ZNF775: variants seen among roughly 807,000 people sequenced by gnomAD.
ZNF775 encodes zinc finger protein 775.
A neutral mutation model predicts 2.4 loss-of-function variants in ZNF775; 1 was observed. That is an observed-to-expected ratio of 0.41 (90% confidence interval 0.15 to 1.94). ZNF775 has a LOEUF of 1.94. Among genes scored for constraint, ZNF775 ranks in the 30% most tolerant of loss-of-function variants. ZNF775 has a pLI of 0.30. For missense variants in ZNF775, 823 were observed against 826.6 expected (o/e 1.00, Z 0.05); for synonymous variants, 381 against 373.3 (o/e 1.02, Z -0.24).
chr7:150,392,545 A>ATCTCTCTCTC lies in ZNF775; in HGVS notation c.32-3936_32-3927dup, dbSNP rs56067146. Among the ~76,000 whole-genome samples, 851 of 136,614 alleles carry ATCTCTCTCTC rather than the reference A, an allele frequency of 6.2e-3. 12 individuals carry two copies. Among genetic ancestry groups the ATCTCTCTCTC allele is most frequent in the African/African-American group, 0.023 (774 of 33,588 alleles). The allele number at this position is 136,614 out of a possible 152,430, so 89.6% of individuals were successfully genotyped here. A position where few individuals can be genotyped will look rare whatever the true frequency, so the allele number is the denominator to read the frequency against. ...TTTATTTTCTTTTTTTCCCAAATGGATCTCTCTCTCTCTCTCTCTCTCTCT... is the reference window on the plus strand; with the variant it reads ...TTTATTTTCTTTTTTTCCCAAATGGATCTCTCTCTCTCTCTCTCTCTCTCTCTCTCTCTCT... On this transcript the variant is annotated intron_variant, in intron 2 of 2. Coordinates refer to ENST00000329630, the MANE Select transcript of ZNF775 (RefSeq NM_173680.4).
rs141275634 is a variant in ZNF775 at position 150,394,633 on chromosome 7, TTCTC to T, written c.32-1865_32-1862del. Among the ~76,000 whole-genome samples, 872 of 150,472 alleles carry T rather than the reference TTCTC, an allele frequency of 5.8e-3. 7 individuals carry two copies. The highest frequency in any genetic ancestry group is 0.02 in the African/African-American group (808 of 40,728). ...TATTCTTAGTTTGCTAGGAGCTTTC[TTCTC>T]TCTCTCTCTCTCTCCCTCCCTCCCT... is the stretch of plus-strand genomic sequence containing the variant. On this transcript the variant is annotated intron_variant, in intron 2 of 2. Coordinates refer to ENST00000329630, the MANE Select transcript of ZNF775 (RefSeq NM_173680.4).
Position 150,398,564 on chromosome 7 carries a change from A to G in ZNF775, c.*469A>G, listed in dbSNP as rs542879868. The G allele has an allele frequency of 4.1e-5, 7 of 169,898 alleles. No homozygotes were observed. In the East Asian group the frequency reaches 1.3e-3, roughly 31 times the overall value. 10.5% of individuals were successfully genotyped at this position (169,898 alleles called of 1,614,324 possible). A position where few individuals can be genotyped will look rare whatever the true frequency, so the allele number is the denominator to read the frequency against. ...CAGAGGCTGTGGCGAGGGAGAGCCA[A>G]GCATATTCCCAGCACCAGGGCCACT... On this transcript the variant is annotated 3_prime_UTR_variant, in exon 3 of 3. Coordinates refer to ENST00000329630, the MANE Select transcript of ZNF775 (RefSeq NM_173680.4).
Position 150,397,173 on chromosome 7 carries a change from C to T in ZNF775, c.692C>T (p.Ala231Val), listed in dbSNP as rs1800680391. The change falls in exon 3 of 3, where the codon GCG becomes GTG. Residue 231 changes from alanine to valine, a missense_variant. By Grantham distance (64) the Ala-to-Val change is moderately conservative (BLOSUM62 0). Coordinates refer to ENST00000329630, the MANE Select transcript of ZNF775 (RefSeq NM_173680.4). ...GGCCTGCACGAGCTGATTCAGGACGCGGCGGCGCGCCGGGCCTGTCGCCTG... is the reference window on the plus strand; with the variant it reads ...GGCCTGCACGAGCTGATTCAGGACGTGGCGGCGCGCCGGGCCTGTCGCCTG... Reference protein sequence around the residue: ...RAGLHELIQDAAARRACRLQP... With the variant: ...RAGLHELIQDVAARRACRLQP... 4.4e-6 allele frequency: 6 copies of T among 1,351,890 alleles called. No individual in the cohort carries two copies. Among genetic ancestry groups the T allele is most frequent in the Admixed American group, 4.0e-5 (1 of 24,764 alleles). The allele number at this position is 1,351,890 out of a possible 1,614,324, so 83.7% of individuals were successfully genotyped here.
At chr7:150,380,949 G>T (rs10235546) in intron 1 of ZNF775, among the ~76,000 whole-genome samples, 19,598 of 152,180 alleles carry the variant, frequency 0.13, 1,951 homozygotes, top group African/African-American at 0.28. Context: ...GCCTGAAGGG[G>T]TCCCTGCTCC....
chr7:150,380,726 A>G (rs1013665853), intron 1 of ZNF775, among the ~76,000 whole-genome samples: 1 of 152,212 alleles, frequency 6.6e-6, no homozygotes, highest in Non-Finnish European at 1.5e-5. Context: ...GGTTTCTGAA[A>G]AACAACTCAA....
In ZNF775 at chr7:150,398,388, G is replaced by GTTGGGGT. The variant is rs1800724199; in HGVS notation, c.*299_*300insTTTGGGG. The GTTGGGGT allele has an allele frequency of 2.0e-6, 1 of 495,888 alleles. No individual in the cohort carries two copies. Among genetic ancestry groups the GTTGGGGT allele is most frequent in the Non-Finnish European group, 3.5e-6 (1 of 281,956 alleles). 30.7% of individuals were successfully genotyped at this position (495,888 alleles called of 1,614,324 possible). On this transcript the variant is annotated 3_prime_UTR_variant, in exon 3 of 3. Transcript: ENST00000329630. ...GCTTCAAGCACCGAGTGAGGGGTCT[G>GTTGGGGT]TTGGGGACGCTGGGAGAGTCTCTGG...
rs533440571 is a variant in ZNF775 at position 150,383,504 on chromosome 7, G to T, written c.-50+4112G>T. 2.0e-5 allele frequency among the ~76,000 whole-genome samples: 3 copies of T among 152,340 alleles called. No homozygotes were observed. The South Asian group carries it at 6.2e-4, about 32-fold the overall frequency. ...GCAGTCAGGTATGGGCTGCAGGAGGGCAGGGAGGCGCTGGGGACCCGGTGG... is the reference window on the plus strand; with the variant it reads ...GCAGTCAGGTATGGGCTGCAGGAGGTCAGGGAGGCGCTGGGGACCCGGTGG... On this transcript the variant is annotated intron_variant, in intron 1 of 2. Coordinates refer to ENST00000329630, the MANE Select transcript of ZNF775 (RefSeq NM_173680.4).
chr7:150,381,367 C>T (rs1020470139), intron 1 of ZNF775, among the ~76,000 whole-genome samples: 8 of 152,066 alleles, frequency 5.3e-5, no homozygotes, highest in Non-Finnish European at 1.0e-4. Context: ...ATCAGGTCTC[C>T]TGGGAATGTC....
At chr7:150,379,587 G>T (rs997863322) in intron 1 of ZNF775, among the ~76,000 whole-genome samples, 195 bp downstream of exon 1, 7 of 152,162 alleles carry the variant, frequency 4.6e-5, no homozygotes, top group South Asian at 4.1e-4. Context: ...GGTCTCAAGC[G>T]TTCCCTCTGC....
rs201683988 is a variant in ZNF775, at chr7:150,397,060, C to T, written c.579C>T (p.Cys193=). 8.7e-5 allele frequency: 139 copies of T among 1,593,770 alleles called. 2 individuals carry two copies. The East Asian group carries it at 3.0e-3, about 34-fold the overall frequency. ...ACTCCCGGCCCGCCACCCACTCGTG[C>T]CCCGAGTGCGAGCGCTGCTTCCGTC... ...KTHSRPATHS[C]PECERCFRHQ... is the part of the protein sequence containing the mutation. The change falls in exon 3 of 3, where the codon TGC becomes TGT. Residue 193 remains cysteine, a synonymous_variant. Coordinates refer to ENST00000329630, the MANE Select transcript of ZNF775 (RefSeq NM_173680.4).
Position 150,388,569 on chromosome 7 carries a change from T to C in ZNF775, c.31+68T>C, listed in dbSNP as rs1800498541. 7.1e-6 allele frequency: 11 copies of C among 1,541,488 alleles called. No individual in the cohort carries two copies. The East Asian group carries it at 2.7e-4, about 38-fold the overall frequency. On this transcript the variant is annotated intron_variant, in intron 2 of 2. Coordinates refer to ENST00000329630, the MANE Select transcript of ZNF775 (RefSeq NM_173680.4). ...TGCTGAGGTCACGTGCCCTTATCTT[T>C]TCTAAAGCCAGGCGCGAGCCAGTGC...
rs1800669300 is a variant in ZNF775, at chr7:150,396,895, C to G, written c.414C>G (p.Gly138=). 1 of 1,602,544 alleles carries G rather than the reference C, an allele frequency of 6.2e-7. No individual in the cohort carries two copies. Among genetic ancestry groups the G allele is most frequent in the Non-Finnish European group, 8.5e-7 (1 of 1,179,742 alleles). The change falls in exon 3 of 3, where the codon GGC becomes GGG. Residue 138 remains glycine, a synonymous_variant. Coordinates refer to ENST00000329630, the MANE Select transcript of ZNF775 (RefSeq NM_173680.4). ...THTGEKPYLC[G]KCGKSFSQKP... is the part of the protein sequence containing the mutation. ...CCGGGGAGAAGCCGTACCTCTGCGG[C>G]AAGTGCGGCAAGAGCTTCAGCCAGA...
intron 1 of ZNF775, among the ~76,000 whole-genome samples, chr7:150,388,181 C>T (rs571219314): frequency 3.3e-5 from 5 of 152,158 alleles, no homozygotes; most frequent in Non-Finnish European, 7.3e-5. Flanking sequence ...TGACTCTGGG[C>T]ACATCAGGGG....
intron 1 of ZNF775, among the ~76,000 whole-genome samples, chr7:150,380,578 G>A (rs901547829): frequency 2.0e-5 from 3 of 152,182 alleles, no homozygotes; most frequent in African/African-American, 7.2e-5. Flanking sequence ...GTCACAGGGT[G>A]CGAGGACACG....
rs757980034 is a variant in ZNF775, at chr7:150,397,565, G to C, written c.1084G>C (p.Gly362Arg). The change falls in exon 3 of 3, where the codon GGC becomes CGC. Residue 362 changes from glycine to arginine, a missense_variant. Transcript: ENST00000329630. ...CAAGCACCTGCGCACGCACCTGCCC[G>C]GCGCCCAGGCTGCGCCCTGCCCCAG... ...LLKHLRTHLP[G>R]AQAAPCPSCG... The C allele has an allele frequency of 3.3e-6, 5 of 1,512,538 alleles. No individual in the cohort carries two copies. In the African/African-American group the frequency reaches 4.3e-5, roughly 13 times the overall value. The allele number at this position is 1,512,538 out of a possible 1,614,324, so 93.7% of individuals were successfully genotyped here.
intron 1 of ZNF775, among the ~76,000 whole-genome samples, chr7:150,387,589 G>A (rs1391902877): frequency 3.9e-5 from 6 of 152,088 alleles, no homozygotes; most frequent in East Asian, 1.9e-4. Context: ...TGAGGCGGGC[G>A]GATCATGAGG....
intron 1 of ZNF775, among the ~76,000 whole-genome samples, chr7:150,388,127 A>T (rs1585085596): frequency 6.6e-6 from 1 of 152,274 alleles, no homozygotes; most frequent in Non-Finnish European, 1.5e-5. Context: ...TGTGGGAGTT[A>T]GAAGACCTGG....
rs576734000 is a variant in ZNF775, at chr7:150,387,116, G to A, written c.-49-1306G>A. Among the ~76,000 whole-genome samples the A allele has an allele frequency of 5.3e-5, 8 of 152,138 alleles. No homozygotes were observed. In the South Asian group the frequency reaches 1.7e-3, roughly 32 times the overall value. On this transcript the variant is annotated intron_variant, in intron 1 of 2. Transcript: ENST00000329630. Reference sequence around the variant, plus strand: ...TCAAGACCAGCCTGGCCAATATGGTGAAACCCTGTCTCTACTAAAAATACA... The same window carrying A: ...TCAAGACCAGCCTGGCCAATATGGTAAAACCCTGTCTCTACTAAAAATACA...
rs1800408893 is a variant in ZNF775, at chr7:150,384,014, C to G, written c.-49-4408C>G. The G allele has an allele frequency of 6.6e-6, 1 of 152,654 alleles. No individual in the cohort carries two copies. Among genetic ancestry groups the G allele is most frequent in the South Asian group, 2.1e-4 (1 of 4,836 alleles). 9.5% of individuals were successfully genotyped at this position (152,654 alleles called of 1,614,324 possible). A position where few individuals can be genotyped will look rare whatever the true frequency, so the allele number is the denominator to read the frequency against. On this transcript the variant is annotated intron_variant, in intron 1 of 2. Coordinates refer to ENST00000329630, the MANE Select transcript of ZNF775 (RefSeq NM_173680.4). This position sits in a 1 kb window ranked among gnomAD's most constrained non-coding sequence, Gnocchi z 4.1. ...TTTGTTGCCTCCCCCTGCCCCGGGC[C>G]TCTCCACCTGCTGCTAGCTCAATCC...
Sources: gnomAD v4.1 joint callset for allele counts (sites outside exome capture counted in the v4.1 genomes callset) on GRCh38, gnomAD v4.1.1 for gene constraint, Gnocchi (gnomAD v3.1) non-coding constraint, MANE v1.5 for transcripts, NCBI Gene and HGNC (gene_info 2026-07-23, HGNC 2026-07-21) for gene names.